Variants in FAT1 observed in about 807,000 individuals in gnomAD.
FAT1 encodes the protein FAT atypical cadherin 1.
In FAT1, 171 loss-of-function variants were observed where a neutral mutation model predicts 329.8. The ratio of observed to expected loss-of-function variants is 0.52; its 90% CI spans 0.46 to 0.59. The LOEUF is 0.59. Among genes scored for constraint, FAT1 ranks in the 20% least tolerant of loss-of-function variants. The pLI is 0.00. For synonymous variants in FAT1, 2,233 were observed against 2,228.6 expected, an observed-to-expected ratio of 1.00 and a Z score of -0.06; for missense variants, 5,672 against 5,774.4, an observed-to-expected ratio of 0.98 and a Z score of 0.57.
intron 2 of FAT1, among the ~76,000 whole-genome samples, chr4:186,678,064 T>G (rs1223634677): frequency 2.6e-5 from 4 of 152,230 alleles, no homozygotes; most frequent in African/African-American, 9.6e-5. Flanking sequence ...AATAAACATT[T>G]CATTTTAAAG....
At chr4:186,657,610 G>A (rs1741965320) in intron 3 of FAT1, among the ~76,000 whole-genome samples, 1 of 152,140 alleles carries the variant, frequency 6.6e-6, no homozygotes, top group Non-Finnish European at 1.5e-5. Context: ...TTATCAAATT[G>A]TAGACTTTAA....
chr4:186,678,625 T>C (rs1205661212), intron 2 of FAT1, among the ~76,000 whole-genome samples: 1 of 148,872 alleles, frequency 6.7e-6, no homozygotes. Flanking sequence ...ATGTTATTAA[T>C]ATATTATTAC....
At position 186,589,157 on chromosome 4, in the gene FAT1, G is replaced by T. The variant is rs2126357134; in HGVS notation, c.13202C>A (p.Pro4401His). 1 of 1,613,832 alleles carries T rather than the reference G, an allele frequency of 6.2e-7. No homozygotes were observed. The highest frequency in any genetic ancestry group is 8.5e-7 in the Non-Finnish European group (1 of 1,179,856). Residue 4401 changes from proline (P) to histidine (H), a missense_variant, in exon 27 of 27, where the codon CCC becomes CAC. By Grantham distance (77) the Pro-to-His change is moderately conservative. Around this residue, in one of 2 missense-constraint regions of FAT1, gnomAD observed 1,706 missense variants for 1,859.1 expected, o/e 0.92. Coordinates refer to ENST00000441802, the MANE Select transcript of FAT1 (RefSeq NM_005245.4). ...CTGCTCATCAATCACCTCATAGTTG[G>T]GGAACTCTTGTATGTCCGGCAGAGG... ...SVPLPDIQEF[P>H]NYEVIDEQTP...
chr4:186,724,183 TAAAA>T (rs59026469), upstream of FAT1, among the ~76,000 whole-genome samples: 6 of 71,308 alleles, frequency 8.4e-5, no homozygotes, highest in Admixed American at 3.2e-4. This position sits in a 1 kb window ranked among gnomAD's most constrained non-coding sequence, Gnocchi z 5.3. Flanking sequence ...TTAGCTTAGC[TAAAA>T]AAAAAAAAAA....
At chr4:186,590,588 TA>T (rs1471546835) in intron 26 of FAT1, 3 of 459,320 alleles carry the variant, frequency 6.5e-6, no homozygotes, top group Non-Finnish European at 1.3e-5. Flanking sequence ...GTACCACAAA[TA>T]AAATGGAATA....
intron 1 of FAT1, among the ~76,000 whole-genome samples, chr4:186,717,134 C>T (rs1009408946): frequency 2.0e-5 from 3 of 151,956 alleles, no homozygotes; most frequent in African/African-American, 7.3e-5. Context: ...TTCAGACATT[C>T]CAAATAAAAT....
rs537428906 is a variant in FAT1 at position 186,663,584 on chromosome 4, G to A, written c.3295C>T (p.Arg1099Cys). The change falls in exon 3 of 27, where the codon CGT becomes TGT. Residue 1099 changes from arginine (R) to cysteine (C), a missense_variant. This residue lies in a region of FAT1 where 3,966 missense variants were observed against 3,915.2 expected (regional missense o/e 1.01). Transcript: ENST00000441802. ...GVIETSDRLD[R>C]ESTSHYWLTV... is the part of the protein sequence containing the mutation. ...AGCCAATAATGGGAGGTCGATTCAC[G>A]GTCCAGTCGATCTGACGTCTCTATG... 106 of 1,609,886 alleles carry A rather than the reference G, an allele frequency of 6.6e-5. No individual in the cohort carries two copies. Among genetic ancestry groups the A allele is most frequent in the Non-Finnish European group, 7.6e-5 (90 of 1,179,674 alleles).
chr4:186,602,809 G>T, intron 20 of FAT1, 94 bp downstream of exon 20: 1 of 1,300,590 alleles, frequency 7.7e-7, no homozygotes, highest in Non-Finnish European at 1.1e-6. Context: ...AACATACTTT[G>T]CAATATTTTT....
chr4:186,703,342 G>A (rs550987958), intron 2 of FAT1, among the ~76,000 whole-genome samples: 89 of 152,282 alleles, frequency 5.8e-4, no homozygotes, highest in South Asian at 2.1e-3. Flanking sequence ...AGAAAACTAC[G>A]TTTCAGAGGA....
chr4:186,642,542 A>G (rs543564050), intron 3 of FAT1, among the ~76,000 whole-genome samples: 1 of 152,326 alleles, frequency 6.6e-6, no homozygotes, highest in Non-Finnish European at 1.5e-5. Flanking sequence ...TAAACCTGAA[A>G]ATGATACAAA....
chr4:186,650,551 CA>C (rs1340280941), intron 3 of FAT1, among the ~76,000 whole-genome samples: 3 of 152,204 alleles, frequency 2.0e-5, no homozygotes, highest in Non-Finnish European at 4.4e-5. Flanking sequence ...ATAAGTTAAT[CA>C]AAATTTTTTT....
At position 186,609,667 on chromosome 4, in the gene FAT1, C is replaced by A. The variant is rs776560130; in HGVS notation, c.10068+134G>T. 5 of 660,166 alleles carry A rather than the reference C, an allele frequency of 7.6e-6. No homozygotes were observed. The East Asian group carries it at 1.1e-4, about 14-fold the overall frequency. 40.9% of individuals were successfully genotyped at this position (660,166 alleles called of 1,614,324 possible). ...CATAACAAAGTCAGCAATCAGTTGG[C>A]CTAACAAAAGACACTTTCAAATCTC... On this transcript the variant is annotated intron_variant, in intron 15 of 26. Transcript: ENST00000441802.
chr4:186,661,759 G>A (rs1742181329), intron 3 of FAT1, among the ~76,000 whole-genome samples: 2 of 152,150 alleles, frequency 1.3e-5, no homozygotes, highest in African/African-American at 2.4e-5. Flanking sequence ...CATGGGAACC[G>A]TCACTTGGAG....
chr4:186,691,287 A>G (rs1365609283), intron 2 of FAT1, among the ~76,000 whole-genome samples: 2 of 152,226 alleles, frequency 1.3e-5, no homozygotes, highest in African/African-American at 4.8e-5. Context: ...AGGTGCCTCT[A>G]GTGCAGATTC....
rs760161934 is a variant in FAT1 at position 186,621,446 on chromosome 4, G to A, written c.5140C>T (p.Pro1714Ser). 6.2e-7 allele frequency: 1 copy of A among 1,613,974 alleles called. No homozygotes were observed. The highest frequency in any genetic ancestry group is 2.2e-5 in the East Asian group (1 of 44,878). Residue 1714 changes from proline (P) to serine (S), a missense_variant, in exon 10 of 27, where the codon CCA (proline) becomes TCA (serine). Pro to Ser is a moderately conservative substitution (Grantham distance 74, BLOSUM62 -1). Coordinates refer to ENST00000441802, the MANE Select transcript of FAT1 (RefSeq NM_005245.4). Reference protein sequence around the residue: ...GNTGDAFDINPHSGTIITQKA... With the variant: ...GNTGDAFDINSHSGTIITQKA... The stretch of plus-strand genomic sequence containing the variant: ...TGAGTGATGATAGTTCCAGAATGTG[G>A]ATTAATATCAAAAGCATCACCTGTA...
intron 2 of FAT1, among the ~76,000 whole-genome samples, chr4:186,673,156 G>C (rs932084727): frequency 6.6e-6 from 1 of 152,098 alleles, no homozygotes; most frequent in Non-Finnish European, 1.5e-5. Context: ...TATATGTGCA[G>C]AGAAAAAAGG....
In FAT1 at chr4:186,620,566, G is replaced by C. The variant is rs1481601969; in HGVS notation, c.6020C>G (p.Pro2007Arg). 2 of 1,613,876 alleles carry C rather than the reference G, an allele frequency of 1.2e-6. No homozygotes were observed. Among genetic ancestry groups the C allele is most frequent in the Non-Finnish European group, 1.7e-6 (2 of 1,179,906 alleles). Residue 2007 changes from proline to arginine, a missense_variant, in exon 10 of 27, where the codon CCA becomes CGA. Pro to Arg is a moderately radical substitution (Grantham distance 103). Around this residue, in one of 2 missense-constraint regions of FAT1, gnomAD observed 3,966 missense variants for 3,915.2 expected, o/e 1.01. Coordinates refer to ENST00000441802, the MANE Select transcript of FAT1 (RefSeq NM_005245.4). ...TLAVITAIGN[P>R]INEPLFYHIL... Reference sequence around the variant, plus strand: ...GTGATAAAACAAAGGCTCATTGATTGGATTCCCAATAGCAGTAATGACAGC... The same window carrying C: ...GTGATAAAACAAAGGCTCATTGATTCGATTCCCAATAGCAGTAATGACAGC...
chr4:186,600,583 G>A (rs889966720), intron 21 of FAT1, among the ~76,000 whole-genome samples: 6 of 152,148 alleles, frequency 3.9e-5, no homozygotes, highest in Middle Eastern at 3.2e-3. Flanking sequence ...TCATGGAAGC[G>A]AATAATTAAC....
Position 186,661,998 on chromosome 4 carries a change from G to A in FAT1, c.3580+1301C>T, listed in dbSNP as rs145651361. The stretch of plus-strand genomic sequence containing the variant: ...CAAGGTGTCCGCTGCTTGGTGTGTA[G>A]GAAATCCTCCCCCCCGCCCCCCGGC... On this transcript the variant is annotated intron_variant, in intron 3 of 26. Transcript: ENST00000441802. Among the ~76,000 whole-genome samples the A allele has an allele frequency of 1.7e-3, 254 of 147,092 alleles. 2 individuals are homozygous for A. Among genetic ancestry groups the A allele is most frequent in the African/African-American group, 5.8e-3 (241 of 41,200 alleles).
Sources: allele counts gnomAD v4.1 joint callset (sites outside exome capture counted in the v4.1 genomes callset), GRCh38; gene constraint gnomAD v4.1.1; regional missense constraint gnomAD v4.1.1; non-coding constraint Gnocchi (gnomAD v3.1); transcripts MANE v1.5; gene names NCBI Gene and HGNC (gene_info 2026-07-23, HGNC 2026-07-21).